The following PRKCE variants were observed in gnomAD, a reference collection of about 807,000 sequenced individuals.
The protein encoded by PRKCE is protein kinase C epsilon, also known as protein kinase C epsilon type.
PRKCE carries 16 observed loss-of-function variants against 85.4 expected under a neutral mutation model. That is an observed-to-expected ratio of 0.19 (90% CI 0.13 to 0.28). The LOEUF is 0.28. PRKCE is among the 10% of genes least tolerant of loss of function. The pLI is 1.00. For missense variants in PRKCE, 573 were observed against 975.2 expected (o/e 0.59, Z 5.49); for synonymous variants, 388 against 371.5 (o/e 1.04, Z -0.51).
intron 1 of PRKCE, among the ~76,000 whole-genome samples, chr2:45,797,381 C>T (rs1268063036): frequency 6.6e-6 from 1 of 152,218 alleles, no homozygotes; most frequent in East Asian, 1.9e-4. Flanking sequence ...TAACCACACA[C>T]CCTGGTTTGC....
intron 1 of PRKCE, among the ~76,000 whole-genome samples, chr2:45,665,681 G>T (rs567247610): frequency 3.3e-5 from 5 of 152,210 alleles, no homozygotes; most frequent in Admixed American, 6.5e-5. Context: ...AATTTGAATT[G>T]CAGGTAAACA....
chr2:45,937,693 T>C (rs1006262232), intron 2 of PRKCE, among the ~76,000 whole-genome samples: 11 of 151,398 alleles, frequency 7.3e-5, no homozygotes, highest in Admixed American at 5.9e-4. Flanking sequence ...CCAGCCTGGG[T>C]GACAAAGTGA....
intron 11 of PRKCE, among the ~76,000 whole-genome samples, chr2:46,128,990 C>G (rs1193299877): frequency 2.6e-5 from 4 of 152,192 alleles, no homozygotes; most frequent in African/African-American, 7.2e-5. Flanking sequence ...CCTCCACCAC[C>G]TAGCCTAGAC....
chr2:46,144,768 T>C (rs1304417091), intron 11 of PRKCE, among the ~76,000 whole-genome samples: 1 of 152,226 alleles, frequency 6.6e-6, no homozygotes, highest in Non-Finnish European at 1.5e-5. Context: ...CTTTCTTTCA[T>C]AGCAGGATCT....
At chr2:45,926,953 T>C (rs538497454) in intron 2 of PRKCE, among the ~76,000 whole-genome samples, 113 of 151,994 alleles carry the variant, frequency 7.4e-4, no homozygotes, top group Non-Finnish European at 1.1e-3. Context: ...GTATAGAACC[T>C]GTATATGTGC....
chr2:45,767,387 A>G (rs746956015), intron 1 of PRKCE, among the ~76,000 whole-genome samples: 11 of 152,240 alleles, frequency 7.2e-5, no homozygotes, highest in Non-Finnish European at 1.5e-4. Context: ...TGTTTATGTC[A>G]GAAATATGTA....
chr2:45,721,539 G>T (rs932898119), intron 1 of PRKCE, among the ~76,000 whole-genome samples: 4 of 152,070 alleles, frequency 2.6e-5, no homozygotes, highest in Non-Finnish European at 5.9e-5. Flanking sequence ...AGGGTCTGAG[G>T]GACAGAAAAG....
chr2:46,093,021 C>G (rs551069054), intron 11 of PRKCE, among the ~76,000 whole-genome samples: 1 of 152,198 alleles, frequency 6.6e-6, no homozygotes. Flanking sequence ...TTTGAGTCTT[C>G]TAGGACCTGA....
At chr2:46,062,667 C>A (rs1157795266) in intron 10 of PRKCE, among the ~76,000 whole-genome samples, 1 of 99,612 alleles carries the variant, frequency 1.0e-5, no homozygotes, top group Non-Finnish European at 2.1e-5. Flanking sequence ...AAAAGCTCAG[C>A]CTTTTTTTTT....
At position 45,905,085 on chromosome 2, in the gene PRKCE, C is replaced by T. The variant is rs1365490392; in HGVS notation, c.412+62022C>T. On this transcript the variant is annotated intron_variant, in intron 2 of 14. Transcript: ENST00000306156. The surrounding 1 kb of genome is among the most constrained non-coding windows in gnomAD (Gnocchi z 4.4). ...TACGGTGTTAATCACACCACTGGTG[C>T]TTGCTGTATCCTATGGCAACAGCAG... is the stretch of plus-strand genomic sequence containing the variant. Among the ~76,000 whole-genome samples the T allele has an allele frequency of 1.3e-5, 2 of 152,250 alleles. No individual in the cohort carries two copies. Among genetic ancestry groups the T allele is most frequent in the Non-Finnish European group, 2.9e-5 (2 of 68,040 alleles).
intron 1 of PRKCE, among the ~76,000 whole-genome samples, chr2:45,825,851 G>A (rs927176427): frequency 1.3e-5 from 2 of 152,062 alleles, no homozygotes; most frequent in African/African-American, 4.8e-5. Flanking sequence ...TCATACCACT[G>A]CTTTCCAGCC....
At chr2:46,133,740 G>A (rs571875542) in intron 11 of PRKCE, among the ~76,000 whole-genome samples, 2 of 152,272 alleles carry the variant, frequency 1.3e-5, no homozygotes, top group South Asian at 4.2e-4. Flanking sequence ...GGGCCCTGAG[G>A]ACCAATCTGT....
At chr2:45,973,179 A>G (rs569185007) in intron 2 of PRKCE, among the ~76,000 whole-genome samples, 27 of 152,212 alleles carry the variant, frequency 1.8e-4, no homozygotes, top group African/African-American at 5.8e-4. Flanking sequence ...CTGGTGGTGG[A>G]CTCCAGGCCC....
chr2:45,976,361 G>T (rs1702453730), intron 2 of PRKCE, 68 bp from the exon 3 acceptor site: 4 of 1,536,324 alleles, frequency 2.6e-6, no homozygotes, highest in Non-Finnish European at 3.5e-6. Flanking sequence ...TAGCTCTCCA[G>T]AGGGAGCTCA....
At position 46,055,910 on chromosome 2, in the gene PRKCE, G is replaced by A. The variant is rs547965958; in HGVS notation, c.1438-30298G>A. ...ACTCCTGGGCTCAAATGATCTGCCCGCCTTGGCCTCCCAAAGTGCTGGGAT... is the reference window on the plus strand; with the variant it reads ...ACTCCTGGGCTCAAATGATCTGCCCACCTTGGCCTCCCAAAGTGCTGGGAT... On this transcript the variant is annotated intron_variant, in intron 10 of 14. Transcript: ENST00000306156. Among the ~76,000 whole-genome samples the A allele has an allele frequency of 6.6e-5, 10 of 152,246 alleles. No homozygotes were observed. In the South Asian group the frequency reaches 1.0e-3, roughly 16 times the overall value.
intron 6 of PRKCE, among the ~76,000 whole-genome samples, chr2:45,989,645 G>GT (rs981630099): frequency 3.9e-4 from 30 of 76,106 alleles, no homozygotes; most frequent in African/African-American, 1.6e-3. Context: ...TCCTTTCCTT[G>GT]TTTAAAAAAA....
At chr2:45,839,642 C>T (rs1481466642) in intron 1 of PRKCE, among the ~76,000 whole-genome samples, 1 of 152,202 alleles carries the variant, frequency 6.6e-6, no homozygotes, top group Non-Finnish European at 1.5e-5. Flanking sequence ...TGGGCACTTA[C>T]ATTGCATCAT....
Position 46,163,168 on chromosome 2 carries a change from G to A in PRKCE, c.2067+3416G>A, listed in dbSNP as rs182970284. ...GACAACTCTGTGCTGCATAAGCAGA[G>A]TCAGCCTTACCACAGGCAAAACAGA... On this transcript the variant is annotated intron_variant, in intron 14 of 14. Transcript: ENST00000306156. 2.1e-3 allele frequency among the ~76,000 whole-genome samples: 323 copies of A among 152,396 alleles called. 2 individuals carry two copies. The highest frequency in any genetic ancestry group is 3.9e-3 in the Admixed American group (60 of 15,310).
At chr2:45,690,637 A>G (rs922060908) in intron 1 of PRKCE, among the ~76,000 whole-genome samples, 1 of 152,258 alleles carries the variant, frequency 6.6e-6, no homozygotes, top group Non-Finnish European at 1.5e-5. Context: ...TTAAAAAGTC[A>G]TTTGGGGTTA....
Sources: gnomAD v4.1 joint callset for allele counts (sites outside exome capture counted in the v4.1 genomes callset) on GRCh38, gnomAD v4.1.1 for gene constraint, Gnocchi (gnomAD v3.1) non-coding constraint, MANE v1.5 for transcripts, NCBI Gene and HGNC (gene_info 2026-07-23, HGNC 2026-07-21) for gene names.